PPP2R5E: variants seen among roughly 807,000 people sequenced by gnomAD.
The protein encoded by PPP2R5E is serine/threonine-protein phosphatase 2A 56 kDa regulatory subunit epsilon isoform.
Under a neutral mutation model 65.3 loss-of-function variants are expected in PPP2R5E, and 4 were observed. The ratio of observed to expected loss-of-function variants is 0.06; its 90% CI spans 0.03 to 0.14. The LOEUF (loss-of-function observed/expected upper bound fraction) is 0.14. Among genes scored for constraint, PPP2R5E ranks in the 10% least tolerant of loss-of-function variants. PPP2R5E has a pLI of 1.00. For synonymous variants in PPP2R5E, 183 were observed against 187.4 expected (o/e 0.98, Z 0.19); for missense variants, 274 against 556.1 (o/e 0.49, Z 5.10).
At chr14:63,526,516 CTCTT>C (rs1437453893) in intron 2 of PPP2R5E, among the ~76,000 whole-genome samples, 1 of 152,036 alleles carries the variant, frequency 6.6e-6, no homozygotes, top group Admixed American at 6.6e-5. Context: ...CTCTCTGTCT[CTCTT>C]TCTCTTTCTC....
At chr14:63,473,252 G>A (rs1444197558) in intron 2 of PPP2R5E, among the ~76,000 whole-genome samples, 11 of 152,162 alleles carry the variant, frequency 7.2e-5, no homozygotes, top group Non-Finnish European at 2.9e-5. Flanking sequence ...AAAAAGACTC[G>A]AAATAGGACT....
At chr14:63,489,573 C>T (rs1424509967) in intron 2 of PPP2R5E, among the ~76,000 whole-genome samples, 2 of 151,902 alleles carry the variant, frequency 1.3e-5, no homozygotes, top group African/African-American at 4.8e-5. Context: ...CCATGTCCAG[C>T]CAATTTTTGT....
rs79061791 is a variant in PPP2R5E at position 63,400,539 on chromosome 14, C to A, written c.550-3823G>T. On this transcript the variant is annotated intron_variant, in intron 5 of 13. Coordinates refer to ENST00000337537, the MANE Select transcript of PPP2R5E (RefSeq NM_006246.5). ...CATTCAGCAATACAATAAATACATA[C>A]GTACTGAGTTCTTTCTATGTGCCAG... Among the ~76,000 whole-genome samples, 112 of 152,220 alleles carry A rather than the reference C, an allele frequency of 7.4e-4. 3 individuals are homozygous for A. In the East Asian group the frequency reaches 0.021, roughly 29 times the overall value.
intron 2 of PPP2R5E, among the ~76,000 whole-genome samples, chr14:63,507,609 T>G (rs1227677532): frequency 1.4e-5 from 2 of 142,584 alleles, no homozygotes; most frequent in Non-Finnish European, 3.0e-5. Flanking sequence ...AGACGGAGTC[T>G]TGTTCTGTCG....
chr14:63,400,694 C>A (rs1286090382), intron 5 of PPP2R5E, among the ~76,000 whole-genome samples: 1 of 200 alleles, frequency 5.0e-3, no homozygotes, highest in Non-Finnish European at 0.036. Context: ...GTGGCCCCAA[C>A]CAGCCAAAAA....
At chr14:63,418,907 C>T (rs373004557) in intron 4 of PPP2R5E, among the ~76,000 whole-genome samples, 20 of 133,140 alleles carry the variant, frequency 1.5e-4, no homozygotes, top group African/African-American at 5.9e-4. Flanking sequence ...AGTGCAGTGG[C>T]GCAATCTTGG....
At chr14:63,478,647 C>T (rs370940400) in intron 2 of PPP2R5E, among the ~76,000 whole-genome samples, 1 of 152,156 alleles carries the variant, frequency 6.6e-6, no homozygotes, top group East Asian at 1.9e-4. Flanking sequence ...TTAGTTTTGA[C>T]CTCACAGACC....
intron 2 of PPP2R5E, among the ~76,000 whole-genome samples, chr14:63,533,189 T>G (rs1245210854): frequency 6.6e-6 from 1 of 152,192 alleles, no homozygotes; most frequent in East Asian, 1.9e-4. Context: ...TCACTCGTTA[T>G]AAAAATCTGG....
intron 5 of PPP2R5E, among the ~76,000 whole-genome samples, chr14:63,405,745 A>C (rs1886036499): frequency 6.6e-6 from 1 of 152,232 alleles, no homozygotes; most frequent in Non-Finnish European, 1.5e-5. Flanking sequence ...GGGGATCATA[A>C]AGAAACCATT....
At chr14:63,397,046 C>CT (rs1219413829) in intron 5 of PPP2R5E, among the ~76,000 whole-genome samples, 3 of 152,166 alleles carry the variant, frequency 2.0e-5, no homozygotes, top group Non-Finnish European at 4.4e-5. Flanking sequence ...TTTTGTCCCC[C>CT]TTTTACAGAA....
chr14:63,510,038 C>A (rs7156664), intron 2 of PPP2R5E, among the ~76,000 whole-genome samples: 1 of 152,066 alleles, frequency 6.6e-6, no homozygotes, highest in Non-Finnish European at 1.5e-5. Context: ...TTTATGTAAA[C>A]CATAAGCATA....
intron 5 of PPP2R5E, among the ~76,000 whole-genome samples, chr14:63,409,248 T>C (rs1271382214): frequency 1.4e-5 from 2 of 145,284 alleles, no homozygotes; most frequent in South Asian, 4.5e-4. Flanking sequence ...AACAATCAAA[T>C]AAACAAAAAA....
chr14:63,471,076 T>C (rs1481544587), intron 2 of PPP2R5E, among the ~76,000 whole-genome samples: 1 of 152,186 alleles, frequency 6.6e-6, no homozygotes, highest in Admixed American at 6.5e-5. Context: ...TGAATGACAT[T>C]CATCTAGATT....
In PPP2R5E at chr14:63,417,107, T is replaced by A. The variant is rs7140338; in HGVS notation, c.457-1875A>T. On this transcript the variant is annotated intron_variant, in intron 4 of 13. Transcript: ENST00000337537. ...TCATCTGTCTTGCACTTTGAATGGA[T>A]CTTTATCCATGCATGCTTTCCTAAC... Among the ~76,000 whole-genome samples, 756 of 152,334 alleles carry A rather than the reference T, an allele frequency of 5.0e-3. 3 individuals are homozygous for A. Among genetic ancestry groups the A allele is most frequent in the African/African-American group, 0.017 (712 of 41,576 alleles).
At chr14:63,504,249 C>CA (rs199690321) in intron 2 of PPP2R5E, among the ~76,000 whole-genome samples, 30 of 149,740 alleles carry the variant, frequency 2.0e-4, no homozygotes, top group East Asian at 1.8e-3. Context: ...TCTTGGCAAT[C>CA]AAAAAAAAAG....
Position 63,375,566 on chromosome 14 carries a change from G to A in PPP2R5E, c.*443C>T, listed in dbSNP as rs1883941839. The A allele has an allele frequency of 1.3e-5, 2 of 152,800 alleles. No homozygotes were observed. Among genetic ancestry groups the A allele is most frequent in the Admixed American group, 1.3e-4 (2 of 15,268 alleles). 9.5% of individuals were successfully genotyped at this position (152,800 alleles called of 1,614,324 possible). A position where few individuals can be genotyped will look rare whatever the true frequency, so the allele number is the denominator to read the frequency against. ...GGAGGATGTTACACAAACTTATAAG[G>A]AAATGACAGTCTTTTTTTCTTCCTT... On this transcript the variant is annotated 3_prime_UTR_variant, in exon 14 of 14. Transcript: ENST00000337537.
In PPP2R5E at chr14:63,391,832, T is replaced by G; in HGVS notation, c.939A>C (p.Thr313=). Residue 313 remains threonine (T), a synonymous_variant, in exon 10 of 14, where the codon ACA becomes ACC. Transcript: ENST00000337537. ...IRGLMKFWPK[T]CSQKEVMFLG... is the part of the protein sequence containing the mutation. ...AAGCACTTACCTCTTTTTGACTACATGTTTTAGGCCAAAATTTCATTAACC... is the reference window on the plus strand; with the variant it reads ...AAGCACTTACCTCTTTTTGACTACAGGTTTTAGGCCAAAATTTCATTAACC... 6.2e-7 allele frequency: 1 copy of G among 1,613,470 alleles called. No individual in the cohort carries two copies. The highest frequency in any genetic ancestry group is 1.1e-5 in the South Asian group (1 of 91,068).
intron 3 of PPP2R5E, among the ~76,000 whole-genome samples, chr14:63,448,786 T>TC (rs1888650044): frequency 1.6e-5 from 1 of 64,320 alleles, no homozygotes; most frequent in African/African-American, 1.6e-4. Context: ...CAAGACTTCG[T>TC]CAAAAAAAAA....
At chr14:63,398,661 A>G (rs1267568590) in intron 5 of PPP2R5E, among the ~76,000 whole-genome samples, 6 of 152,134 alleles carry the variant, frequency 3.9e-5, no homozygotes, top group Admixed American at 6.5e-5. Flanking sequence ...GTGCTGGCAC[A>G]TGCCTGTAAT....
Sources: allele counts gnomAD v4.1 joint callset (sites outside exome capture counted in the v4.1 genomes callset), GRCh38; gene constraint gnomAD v4.1.1; transcripts MANE v1.5; gene names NCBI Gene and HGNC (gene_info 2026-07-23, HGNC 2026-07-21).